The following COG5 variants were observed in gnomAD, a reference collection of about 807,000 sequenced individuals.
COG5 encodes component of oligomeric golgi complex 5.
Under a neutral mutation model 110.4 loss-of-function variants are expected in COG5, and 86 were observed. The ratio of observed to expected loss-of-function variants is 0.78; its 90% CI spans 0.65 to 0.93. The LOEUF (loss-of-function observed/expected upper bound fraction) is 0.93, where lower values mean the gene tolerates loss of function less well. Among genes scored for constraint, COG5 ranks in the 40% least tolerant of loss-of-function variants. The pLI, the probability that COG5 is intolerant of heterozygous loss-of-function variation, is 0.00. For missense variants in COG5, 1,077 were observed against 987.0 expected (o/e 1.09, Z -1.22); for synonymous variants, 360 against 334.6 (o/e 1.08, Z -0.83).
intron 5 of COG5, among the ~76,000 whole-genome samples, chr7:107,546,752 T>C (rs1802486309): frequency 6.6e-6 from 1 of 152,076 alleles, no homozygotes; most frequent in South Asian, 2.1e-4. Context: ...TATGAACAAA[T>C]ATATGCCAAC....
chr7:107,312,542 A>C (rs1186279347), intron 11 of COG5, among the ~76,000 whole-genome samples: 1 of 152,170 alleles, frequency 6.6e-6, no homozygotes, highest in Non-Finnish European at 1.5e-5. Context: ...TCTGAGACTG[A>C]AAAGACAAGT....
At chr7:107,542,092 A>G (rs962974335) in intron 5 of COG5, among the ~76,000 whole-genome samples, 9 of 152,300 alleles carry the variant, frequency 5.9e-5, no homozygotes, top group Non-Finnish European at 1.0e-4. Flanking sequence ...GCAATATACA[A>G]TATCTTCATA....
At chr7:107,298,459 G>A (rs561143454) in intron 11 of COG5, 113 bp from the exon 12 acceptor site, 3 of 699,246 alleles carry the variant, frequency 4.3e-6, no homozygotes, top group African/African-American at 1.8e-5. Context: ...AACCAAAGAC[G>A]TGTTCTAATG....
chr7:107,436,994 T>C (rs557229538), intron 6 of COG5, among the ~76,000 whole-genome samples: 24 of 152,350 alleles, frequency 1.6e-4, no homozygotes, highest in South Asian at 2.1e-4. Context: ...ACACTATTTG[T>C]GGTCAAACAG....
At chr7:107,272,956 C>T (rs2116732632) in intron 14 of COG5, among the ~76,000 whole-genome samples, 3 of 152,308 alleles carry the variant, frequency 2.0e-5, no homozygotes, top group Middle Eastern at 6.8e-3. Context: ...CTTGCTTATA[C>T]TCAAATGCAG....
At chr7:107,355,377 T>C (rs1584720759) in intron 10 of COG5, among the ~76,000 whole-genome samples, 2 of 152,246 alleles carry the variant, frequency 1.3e-5, no homozygotes, top group East Asian at 3.9e-4. Flanking sequence ...AAGCTACATA[T>C]AGTCTAACAA....
At chr7:107,414,664 T>C (rs950115729) in intron 6 of COG5, among the ~76,000 whole-genome samples, 7 of 141,326 alleles carry the variant, frequency 5.0e-5, no homozygotes, top group African/African-American at 7.5e-5. Flanking sequence ...CATTTTGCAA[T>C]AGAAAATGTC....
At chr7:107,378,554 A>T (rs554414720) in intron 7 of COG5, among the ~76,000 whole-genome samples, 1 of 152,350 alleles carries the variant, frequency 6.6e-6, no homozygotes, top group South Asian at 2.1e-4. Flanking sequence ...GCTAACTAGA[A>T]TAATCAATTT....
intron 7 of COG5, among the ~76,000 whole-genome samples, chr7:107,389,160 C>T (rs1197931191): frequency 6.6e-6 from 1 of 152,198 alleles, no homozygotes; most frequent in Non-Finnish European, 1.5e-5. Flanking sequence ...CAGACACCCG[C>T]TTCCCAGCCT....
intron 6 of COG5, among the ~76,000 whole-genome samples, chr7:107,435,631 C>G (rs755068744): frequency 6.6e-6 from 1 of 151,646 alleles, no homozygotes; most frequent in Admixed American, 6.6e-5. Flanking sequence ...CCAGCCTGGG[C>G]GACAGACACT....
intron 17 of COG5, among the ~76,000 whole-genome samples, chr7:107,239,992 C>T (rs1475257282): frequency 2.6e-5 from 4 of 152,200 alleles, no homozygotes; most frequent in Non-Finnish European, 5.9e-5. Context: ...GCTCATCTAT[C>T]ACTTTAATAA....
chr7:107,431,369 G>T lies in COG5; in HGVS notation c.539-18737C>A, dbSNP rs200801171. ...GATAAAACAGGCAGACAAAAAATCA[G>T]TAAAGATATCTATAGAGGGAGATAA... On this transcript the variant is annotated intron_variant, in intron 6 of 21. Transcript: ENST00000297135. Among the ~76,000 whole-genome samples the T allele has an allele frequency of 4.6e-5, 7 of 152,270 alleles. No individual in the cohort carries two copies. In the East Asian group the frequency reaches 1.3e-3, roughly 29 times the overall value.
In COG5 at chr7:107,412,650, A is replaced by G. The variant is rs1014215546; in HGVS notation, c.539-18T>C. The G allele has an allele frequency of 1.4e-6, 2 of 1,393,492 alleles. No individual in the cohort carries two copies. Among genetic ancestry groups the G allele is most frequent in the Non-Finnish European group, 2.0e-6 (2 of 987,166 alleles). 86.3% of individuals were successfully genotyped at this position (1,393,492 alleles called of 1,614,324 possible). On this transcript the variant is annotated intron_variant, in intron 6 of 21. Transcript: ENST00000297135. ...AAGATAATCTGTTTAAAACAAAAAC[A>G]TACACATTCAAATATTTCAATACTG...
At chr7:107,359,442 C>T (rs1812906153) in intron 10 of COG5, among the ~76,000 whole-genome samples, 1 of 152,200 alleles carries the variant, frequency 6.6e-6, no homozygotes, top group Non-Finnish European at 1.5e-5. Context: ...GCATGAACAG[C>T]CTGAGTGCTG....
At chr7:107,365,687 T>C (rs1813551389) in intron 8 of COG5, among the ~76,000 whole-genome samples, 2 of 147,986 alleles carry the variant, frequency 1.4e-5, no homozygotes, top group South Asian at 4.3e-4. Flanking sequence ...CCCCTGAGTG[T>C]GGGGCAGACT....
At chr7:107,481,584 T>G (rs1389402938) in intron 6 of COG5, among the ~76,000 whole-genome samples, 1 of 152,134 alleles carries the variant, frequency 6.6e-6, no homozygotes, top group Middle Eastern at 3.2e-3. Context: ...TACTGCATAT[T>G]GATTGGGTAA....
chr7:107,351,483 T>C (rs1812130253), intron 10 of COG5, among the ~76,000 whole-genome samples: 1 of 152,116 alleles, frequency 6.6e-6, no homozygotes, highest in Non-Finnish European at 1.5e-5. Context: ...CTGAAGAGCT[T>C]CTGCACAGCA....
At chr7:107,231,377 C>T (rs973900987) in intron 18 of COG5, among the ~76,000 whole-genome samples, 3 of 152,148 alleles carry the variant, frequency 2.0e-5, no homozygotes, top group South Asian at 2.1e-4. Context: ...TAATATGCTA[C>T]CTAACTCAAG....
At position 107,204,400 on chromosome 7, in the gene COG5, C is replaced by T. The variant is rs976645538; in HGVS notation, c.2376-770G>A. Reference sequence around the variant, plus strand: ...TGGCCCTTCTTTTACAGAAAAAGTTCGTCAGTCCCTGAACCAGATCGTCTG... The same window carrying T: ...TGGCCCTTCTTTTACAGAAAAAGTTTGTCAGTCCCTGAACCAGATCGTCTG... On this transcript the variant is annotated intron_variant, in intron 21 of 21. Transcript: ENST00000297135. Among the ~76,000 whole-genome samples the T allele has an allele frequency of 1.9e-4, 29 of 152,098 alleles. 1 individual carries two copies. The highest frequency in any genetic ancestry group is 2.4e-4 in the African/African-American group (10 of 41,414).
Sources: gnomAD v4.1 joint callset for allele counts (sites outside exome capture counted in the v4.1 genomes callset) on GRCh38, gnomAD v4.1.1 for gene constraint, MANE v1.5 for transcripts, NCBI Gene and HGNC (gene_info 2026-07-23, HGNC 2026-07-21) for gene names.